MDGA2: variants seen among roughly 807,000 people sequenced by gnomAD.
The protein encoded by MDGA2 is MAM domain-containing glycosylphosphatidylinositol anchor protein 2.
Under a neutral mutation model 117.8 loss-of-function variants are expected in MDGA2, and 40 were observed. The observed-to-expected ratio is 0.34, with a 90% CI of 0.26 to 0.44. The LOEUF (loss-of-function observed/expected upper bound fraction) is 0.44. MDGA2 is among the 20% of genes least tolerant of loss of function. The pLI, the probability that MDGA2 is intolerant of heterozygous loss-of-function variation, is 1.00. For synonymous variants in MDGA2, 452 were observed against 439.0 expected (o/e 1.03, Z -0.37); for missense variants, 1,123 against 1,250.6 (o/e 0.90, Z 1.54).
At chr14:47,008,635 A>C (rs1437655235) in intron 8 of MDGA2, among the ~76,000 whole-genome samples, 5 of 151,914 alleles carry the variant, frequency 3.3e-5, no homozygotes, top group Non-Finnish European at 5.9e-5. Context: ...TTCTGTCACT[A>C]ATCAGGTGTG....
chr14:46,902,885 T>C (rs531896813), intron 10 of MDGA2, among the ~76,000 whole-genome samples: 1 of 152,348 alleles, frequency 6.6e-6, no homozygotes, highest in South Asian at 2.1e-4. Flanking sequence ...TAGTTAAATA[T>C]ACAGATTAAT....
chr14:47,405,487 C>T (rs142764192), intron 1 of MDGA2, among the ~76,000 whole-genome samples: 40 of 152,138 alleles, frequency 2.6e-4, no homozygotes, highest in African/African-American at 8.7e-4. Flanking sequence ...GCCTGTTTCT[C>T]GAAGATAAGG....
intron 2 of MDGA2, among the ~76,000 whole-genome samples, chr14:47,279,250 A>C (rs1208424481): frequency 2.0e-5 from 3 of 152,154 alleles, no homozygotes; most frequent in African/African-American, 7.2e-5. Flanking sequence ...GTATATTATC[A>C]ATTACTTTTT....
chr14:46,964,317 T>C (rs1014102371), intron 8 of MDGA2, among the ~76,000 whole-genome samples: 4 of 152,214 alleles, frequency 2.6e-5, no homozygotes, highest in African/African-American at 9.6e-5. Context: ...AATGTGGTTC[T>C]TTTAAGCTCT....
chr14:47,014,218 T>C lies in MDGA2; in HGVS notation c.1819+20793A>G, dbSNP rs115866128. Among the ~76,000 whole-genome samples the C allele has an allele frequency of 3.8e-3, 583 of 152,256 alleles. 2 individuals are homozygous for C. The highest frequency in any genetic ancestry group is 0.013 in the African/African-American group (543 of 41,538). ...TTCCATAAACTATGCTGTAAATAGA[T>C]GTGCTGCCATCCAAGCTTTGTTGTT... On this transcript the variant is annotated intron_variant, in intron 8 of 16. Transcript: ENST00000399232.
intron 1 of MDGA2, among the ~76,000 whole-genome samples, chr14:47,481,262 A>T (rs2138634910): frequency 6.6e-6 from 1 of 152,140 alleles, no homozygotes; most frequent in East Asian, 1.9e-4. Context: ...AGAGGAAAAA[A>T]ATAATTTCAA....
intron 1 of MDGA2, among the ~76,000 whole-genome samples, chr14:47,436,637 G>T (rs1892904797): frequency 6.6e-6 from 1 of 152,034 alleles, no homozygotes; most frequent in South Asian, 2.1e-4. Flanking sequence ...ATTAAAATAA[G>T]AATTGTCTTG....
intron 1 of MDGA2, among the ~76,000 whole-genome samples, chr14:47,653,022 G>A (rs920704002): frequency 3.3e-5 from 5 of 152,032 alleles, no homozygotes; most frequent in African/African-American, 1.2e-4. Flanking sequence ...TTTTTATCCT[G>A]CTAACTTCCA....
At chr14:47,145,722 A>G (rs1279893718) in intron 3 of MDGA2, among the ~76,000 whole-genome samples, 1 of 152,178 alleles carries the variant, frequency 6.6e-6, no homozygotes, top group African/African-American at 2.4e-5. Flanking sequence ...TAAATGAGAT[A>G]GTCCATAAAG....
intron 1 of MDGA2, among the ~76,000 whole-genome samples, chr14:47,653,085 T>C (rs944656185): frequency 2.0e-5 from 3 of 151,078 alleles, no homozygotes; most frequent in African/African-American, 7.3e-5. Context: ...CAGTAGAACC[T>C]CAATATCCCA....
chr14:47,325,585 T>G (rs547091553), intron 1 of MDGA2, among the ~76,000 whole-genome samples: 1 of 152,252 alleles, frequency 6.6e-6, no homozygotes, highest in South Asian at 2.1e-4. Context: ...ACATGAGGGA[T>G]TGATAGAACA....
chr14:47,117,519 GA>G (rs1250092650), intron 5 of MDGA2, among the ~76,000 whole-genome samples: 1 of 152,100 alleles, frequency 6.6e-6, no homozygotes, highest in Non-Finnish European at 1.5e-5. Context: ...ATCAACTGAT[GA>G]ATGAATATAG....
rs184705006 is a variant in MDGA2, at chr14:47,655,061, G to A, written c.280+19456C>T. Among the ~76,000 whole-genome samples, 610 of 152,092 alleles carry A rather than the reference G, an allele frequency of 4.0e-3. 3 individuals carry two copies. Among genetic ancestry groups the A allele is most frequent in the Non-Finnish European group, 7.2e-3 (488 of 67,950 alleles). ...TACCACTTTTAAAGATCTAAAGGAG[G>A]CACATTTTATAGTCCTCATTGTGCC... is the stretch of plus-strand genomic sequence containing the variant. On this transcript the variant is annotated intron_variant, in intron 1 of 16. Transcript: ENST00000399232.
intron 1 of MDGA2, among the ~76,000 whole-genome samples, chr14:47,358,991 A>G (rs1891054147): frequency 6.6e-6 from 1 of 152,216 alleles, no homozygotes; most frequent in Non-Finnish European, 1.5e-5. Context: ...GGAACCACAA[A>G]AGACTTCAAG....
chr14:47,062,376 G>A (rs945523016), intron 6 of MDGA2, among the ~76,000 whole-genome samples: 5 of 151,946 alleles, frequency 3.3e-5, no homozygotes, highest in African/African-American at 9.7e-5. Context: ...ACTACCAAAA[G>A]GCTGCCAAGG....
intron 2 of MDGA2, among the ~76,000 whole-genome samples, chr14:47,231,478 T>C (rs1330293948): frequency 6.6e-6 from 1 of 152,078 alleles, no homozygotes; most frequent in African/African-American, 2.4e-5. Context: ...AGCTTTAATT[T>C]AGGTAGATCA....
rs1458725777 is a variant in MDGA2 at position 47,251,393 on chromosome 14, T to A, written c.421-33198A>T. Among the ~76,000 whole-genome samples the A allele has an allele frequency of 2.6e-5, 4 of 152,208 alleles. No individual in the cohort carries two copies. In the East Asian group the frequency reaches 7.7e-4, roughly 29 times the overall value. On this transcript the variant is annotated intron_variant, in intron 2 of 16. Coordinates refer to ENST00000399232, the MANE Select transcript of MDGA2 (RefSeq NM_001113498.3). The stretch of plus-strand genomic sequence containing the variant: ...AAGCCTCATAAGAGGTTAGACTTGA[T>A]CCATCTCATGCCCTGTTGTACCTTC...
At chr14:47,585,493 T>C (rs1047085808) in intron 1 of MDGA2, among the ~76,000 whole-genome samples, 1 of 151,856 alleles carries the variant, frequency 6.6e-6, no homozygotes, top group Non-Finnish European at 1.5e-5. Flanking sequence ...AAGGATTAAA[T>C]GAGAATACAA....
chr14:47,540,243 G>A (rs1895315735), intron 1 of MDGA2, among the ~76,000 whole-genome samples: 1 of 152,014 alleles, frequency 6.6e-6, no homozygotes, highest in Non-Finnish European at 1.5e-5. Context: ...TCGATCTCCT[G>A]ACCTCGTGAT....
Sources: gnomAD v4.1 joint callset for allele counts (sites outside exome capture counted in the v4.1 genomes callset) on GRCh38, gnomAD v4.1.1 for gene constraint, MANE v1.5 for transcripts, NCBI Gene and HGNC (gene_info 2026-07-23, HGNC 2026-07-21) for gene names.